The following TBL1X variants were observed in gnomAD, a reference collection of about 807,000 sequenced individuals.
TBL1X encodes the protein transducin beta like 1 X-linked.
Under a neutral mutation model 50.7 loss-of-function variants are expected in TBL1X, and 10 were observed. That is an observed-to-expected ratio of 0.20 (90% CI 0.12 to 0.33). The LOEUF (loss-of-function observed/expected upper bound fraction) is 0.33. TBL1X is among the 10% of genes least tolerant of loss of function. The probability of loss-of-function intolerance (pLI) is 1.00; values close to 1 mark genes in which losing one functional copy is unlikely to be tolerated. For synonymous variants in TBL1X, 190 were observed against 214.7 expected (o/e 0.88, Z 1.01); for missense variants, 340 against 504.4 (o/e 0.67, Z 3.12).
intron 4 of TBL1X, 46 bp from the exon 5 acceptor site, chrX:9,654,169 G>C: frequency 9.1e-7 from 1 of 1,097,089 alleles, no homozygotes; most frequent in Non-Finnish European, 1.2e-6. Context: ...AAAAAAAAGA[G>C]AAAAATACAA....
At chrX:9,521,201 G>C (rs933348418) in intron 2 of TBL1X, among the ~76,000 whole-genome samples, 4 of 111,610 alleles carry the variant, frequency 3.6e-5, no homozygotes, top group Non-Finnish European at 7.5e-5. Flanking sequence ...CCTTGGAAAA[G>C]GAGCAGAACA....
intron 3 of TBL1X, among the ~76,000 whole-genome samples, chrX:9,652,399 A>G (rs2082840376): frequency 8.9e-6 from 1 of 112,147 alleles, no homozygotes; most frequent in African/African-American, 3.2e-5. Flanking sequence ...GAATCCTCCC[A>G]TTAAATGTAA....
chrX:9,657,953 A>C (rs2082873887), intron 5 of TBL1X, among the ~76,000 whole-genome samples: 1 of 112,097 alleles, frequency 8.9e-6, no homozygotes, highest in Non-Finnish European at 1.9e-5. Flanking sequence ...TAATTCCCAC[A>C]TGTCATGGGG....
intron 2 of TBL1X, among the ~76,000 whole-genome samples, chrX:9,515,969 C>T (rs1430100396): frequency 9.0e-6 from 1 of 111,025 alleles, no homozygotes; most frequent in East Asian, 2.8e-4. Context: ...GAGTTGTACT[C>T]GAAATGGGTC....
intron 2 of TBL1X, among the ~76,000 whole-genome samples, chrX:9,562,450 G>A (rs2082329202): frequency 8.9e-6 from 1 of 111,759 alleles, no homozygotes; most frequent in African/African-American, 3.2e-5. Context: ...TTTGCCAGTT[G>A]TACAAGCATG....
rs188401067 is a variant in TBL1X at position 9,523,321 on chromosome X, C to T, written c.-131+21472C>T. On this transcript the variant is annotated intron_variant, in intron 2 of 17. Coordinates refer to ENST00000645353, the MANE Select transcript of TBL1X (RefSeq NM_005647.4). The stretch of plus-strand genomic sequence containing the variant: ...CGGAACTGTGAACCCCCAGAGTCTG[C>T]CCAGCCCCTCTGTCCCTGCCTTTTG... 1.5e-4 allele frequency among the ~76,000 whole-genome samples: 17 copies of T among 112,036 alleles called. No homozygotes were observed. In the East Asian group the frequency reaches 4.5e-3, roughly 30 times the overall value.
Position 9,537,516 on chromosome X carries a change from T to C in TBL1X, c.-131+35667T>C, listed in dbSNP as rs773010971. ...CTCCCCACAGCCCCAGCAACCAACG[T>C]TCTACTTTCTCTCTCTATGATTTTG... On this transcript the variant is annotated intron_variant, in intron 2 of 17. Coordinates refer to ENST00000645353, the MANE Select transcript of TBL1X (RefSeq NM_005647.4). 3.6e-5 allele frequency among the ~76,000 whole-genome samples: 4 copies of C among 111,856 alleles called. No homozygotes were observed. The Admixed American group carries it at 3.8e-4, about 11-fold the overall frequency.
chrX:9,538,348 A>G (rs1386999676), intron 2 of TBL1X, among the ~76,000 whole-genome samples: 3 of 111,880 alleles, frequency 2.7e-5, no homozygotes, highest in Admixed American at 9.5e-5. Context: ...ATCATGGACC[A>G]TATGTTTGCC....
intron 2 of TBL1X, among the ~76,000 whole-genome samples, chrX:9,555,154 C>G (rs2082290049): frequency 9.0e-6 from 1 of 111,273 alleles, no homozygotes; most frequent in African/African-American, 3.3e-5. Flanking sequence ...TAGCTCGGTG[C>G]AGCCTCAAAC....
intron 1 of TBL1X, among the ~76,000 whole-genome samples, chrX:9,481,716 A>T (rs1359372800): frequency 8.9e-6 from 1 of 112,166 alleles, no homozygotes; most frequent in African/African-American, 3.2e-5. Flanking sequence ...TGACAGGTCC[A>T]GGAGCTCCAA....
At chrX:9,523,317 T>A (rs1179394946) in intron 2 of TBL1X, among the ~76,000 whole-genome samples, 2 of 111,353 alleles carry the variant, frequency 1.8e-5, no homozygotes, top group African/African-American at 6.5e-5. Flanking sequence ...ACCCCCAGAG[T>A]CTGCCCAGCC....
At position 9,580,871 on chromosome X, in the gene TBL1X, T is replaced by C. The variant is rs112507781; in HGVS notation, c.-130-59402T>C. ...CAGATGTAGCCTCCAGGTAGCAGGC[T>C]TCAGAGGGAACAGATTGTAAATGTT... On this transcript the variant is annotated intron_variant, in intron 2 of 17. Transcript: ENST00000645353. Among the ~76,000 whole-genome samples the C allele has an allele frequency of 9.0e-3, 1,005 of 111,680 alleles. 9 individuals are homozygous for C. The highest frequency in any genetic ancestry group is 0.031 in the African/African-American group (936 of 30,673).
At chrX:9,516,985 C>G (rs1028426742) in intron 2 of TBL1X, among the ~76,000 whole-genome samples, 1 of 111,607 alleles carries the variant, frequency 9.0e-6, no homozygotes, top group African/African-American at 3.3e-5. Flanking sequence ...ATCTGTCTTG[C>G]TATTTTGTTA....
chrX:9,650,816 T>C (rs2082829618), intron 3 of TBL1X, among the ~76,000 whole-genome samples: 1 of 111,876 alleles, frequency 8.9e-6, no homozygotes, highest in Admixed American at 9.5e-5. Flanking sequence ...TGCTCAACTT[T>C]AGCTCATGCT....
chrX:9,621,142 G>T (rs952886853), intron 2 of TBL1X, among the ~76,000 whole-genome samples: 3 of 111,678 alleles, frequency 2.7e-5, no homozygotes, highest in Non-Finnish European at 5.6e-5. Flanking sequence ...GGACCTTCAA[G>T]TGGCCAAGTC....
At chrX:9,543,601 G>A (rs966470672) in intron 2 of TBL1X, among the ~76,000 whole-genome samples, 2 of 111,015 alleles carry the variant, frequency 1.8e-5, no homozygotes, top group Admixed American at 9.5e-5. Flanking sequence ...GCAAGTGACC[G>A]CTCCTGCCCC....
At chrX:9,501,493 A>G (rs970055938) in intron 1 of TBL1X, among the ~76,000 whole-genome samples, 1 of 111,169 alleles carries the variant, frequency 9.0e-6, no homozygotes, top group Non-Finnish European at 1.9e-5. Flanking sequence ...TCCTTGGACC[A>G]TGGTGACCTG....
chrX:9,514,089 T>G (rs2082069758), intron 2 of TBL1X, among the ~76,000 whole-genome samples: 1 of 110,821 alleles, frequency 9.0e-6, no homozygotes, highest in South Asian at 3.8e-4. Flanking sequence ...CTGTGAGATT[T>G]GGAAAGGGAA....
chrX:9,501,897 C>G (rs1005649830), intron 2 of TBL1X, 48 bp downstream of exon 2: 10 of 110,706 alleles, frequency 9.0e-5, no homozygotes, highest in African/African-American at 3.3e-4. Context: ...GAAATTCTTT[C>G]CTGTGAGATT....
Sources: allele counts gnomAD v4.1 joint callset (sites outside exome capture counted in the v4.1 genomes callset), GRCh38; gene constraint gnomAD v4.1.1; transcripts MANE v1.5; gene names NCBI Gene and HGNC (gene_info 2026-07-23, HGNC 2026-07-21).